The following CAST variants were observed in gnomAD, a reference collection of about 807,000 sequenced individuals.
The protein encoded by CAST is calpastatin.
In CAST, 76 loss-of-function variants were observed where a neutral mutation model predicts 119.6. The observed-to-expected ratio is 0.64, with a 90% CI of 0.53 to 0.77. CAST has a LOEUF of 0.77. Among genes scored for constraint, CAST ranks in the 30% least tolerant of loss-of-function variants. The pLI, the probability that CAST is intolerant of heterozygous loss-of-function variation, is 0.00. For synonymous variants in CAST, 319 were observed against 331.6 expected (o/e 0.96, Z 0.41); for missense variants, 953 against 946.5 (o/e 1.01, Z -0.09).
At chr5:96,092,576 A>G in the CAST span, among the ~76,000 whole-genome samples, 1 of 152,316 alleles carries the variant, frequency 6.6e-6, no homozygotes, top group African/African-American at 2.4e-5. Context: ...TAAAATATAC[A>G]TGATAACTTT....
the CAST span, among the ~76,000 whole-genome samples, chr5:96,057,856 A>C: frequency 5.9e-5 from 9 of 152,088 alleles, 1 homozygote; most frequent in Non-Finnish European, 1.2e-4. Context: ...TCTATGTTAG[A>C]TGTTATATTT....
At chr5:96,112,951 C>T in the CAST span, among the ~76,000 whole-genome samples, 529 of 152,300 alleles carry the variant, frequency 3.5e-3, 2 homozygotes, top group African/African-American at 4.5e-3. Context: ...ATGCACATCA[C>T]TTGTGCACCA....
intron 1 of CAST, among the ~76,000 whole-genome samples, chr5:96,639,671 C>A (rs1000232557): frequency 6.6e-6 from 1 of 152,192 alleles, no homozygotes. Flanking sequence ...GGGACCATAT[C>A]AACCTAAAAA....
At chr5:96,455,103 A>G in the CAST span, among the ~76,000 whole-genome samples, 1 of 152,244 alleles carries the variant, frequency 6.6e-6, no homozygotes. Context: ...TACATATTAA[A>G]TAACACAAGG....
chr5:96,609,064 C>G lies in CAST; in HGVS notation c.61-66475C>G, dbSNP rs1360572332. On this transcript the variant is annotated intron_variant, in intron 1 of 11. Transcript: ENST00000505143. ...AAATACTTCTGCAAGGACATCTACCCAGAAACAGCCTGTCCAGCCTCAGAC... is the reference window on the plus strand; with the variant it reads ...AAATACTTCTGCAAGGACATCTACCGAGAAACAGCCTGTCCAGCCTCAGAC... Among the ~76,000 whole-genome samples the G allele has an allele frequency of 3.9e-5, 6 of 152,200 alleles. No individual in the cohort carries two copies. In the East Asian group the frequency reaches 1.2e-3, roughly 29 times the overall value.
the CAST span, among the ~76,000 whole-genome samples, chr5:96,435,116 G>A: frequency 6.6e-6 from 1 of 152,168 alleles, no homozygotes; most frequent in African/African-American, 2.4e-5. Context: ...CACTAACTGT[G>A]CACTAGCAAG....
chr5:96,256,979 C>T, the CAST span, among the ~76,000 whole-genome samples: 2 of 152,202 alleles, frequency 1.3e-5, no homozygotes, highest in African/African-American at 2.4e-5. Flanking sequence ...TGCATGACGT[C>T]GTCTTCTTTT....
At chr5:96,454,747 G>A in the CAST span, among the ~76,000 whole-genome samples, 10 of 152,182 alleles carry the variant, frequency 6.6e-5, no homozygotes, top group Non-Finnish European at 1.3e-4. Context: ...GATTTTAGGC[G>A]GCTCATTGAT....
At chr5:96,108,065 T>A in the CAST span, among the ~76,000 whole-genome samples, 1 of 152,118 alleles carries the variant, frequency 6.6e-6, no homozygotes, top group Non-Finnish European at 1.5e-5. Context: ...GCCTTGGTTT[T>A]CAGCTCCATC....
At chr5:96,633,111 A>G (rs773345166) in intron 1 of CAST, among the ~76,000 whole-genome samples, 2 of 152,222 alleles carry the variant, frequency 1.3e-5, no homozygotes, top group Admixed American at 1.3e-4. Context: ...AGCTGGGATT[A>G]CAGGTGCCCG....
the CAST span, among the ~76,000 whole-genome samples, chr5:96,009,940 T>A: frequency 2.0e-5 from 3 of 152,198 alleles, no homozygotes; most frequent in Non-Finnish European, 4.4e-5. Flanking sequence ...TACATATAAG[T>A]CTTCAATCTG....
intron 1 of CAST, among the ~76,000 whole-genome samples, chr5:96,653,985 C>T (rs1433259396): frequency 2.0e-5 from 3 of 151,106 alleles, no homozygotes; most frequent in African/African-American, 7.3e-5. Context: ...CTTTTCTCTT[C>T]CCTTGTATCT....
the CAST span, among the ~76,000 whole-genome samples, chr5:96,369,436 G>A: frequency 6.6e-6 from 1 of 152,116 alleles, no homozygotes; most frequent in Non-Finnish European, 1.5e-5. Flanking sequence ...TTTAGAAGAA[G>A]GTCTGGCAGC....
At chr5:96,098,111 G>A in the CAST span, among the ~76,000 whole-genome samples, 1 of 152,036 alleles carries the variant, frequency 6.6e-6, no homozygotes, top group South Asian at 2.1e-4. Flanking sequence ...TAATTGTTGG[G>A]CACATGTATG....
chr5:96,543,586 AT>A (rs1240574098), intron 1 of CAST, among the ~76,000 whole-genome samples: 2 of 152,174 alleles, frequency 1.3e-5, no homozygotes, highest in African/African-American at 4.8e-5. Context: ...CAGAACAGAA[AT>A]TTTAGTTTTA....
the CAST span, among the ~76,000 whole-genome samples, chr5:96,487,861 C>T: frequency 6.6e-6 from 1 of 152,164 alleles, no homozygotes; most frequent in Non-Finnish European, 1.5e-5. Context: ...GCACCAAACA[C>T]ATAATGTTAA....
intron 1 of CAST, among the ~76,000 whole-genome samples, chr5:96,592,529 G>GA (rs999766504): frequency 6.6e-6 from 1 of 151,880 alleles, no homozygotes; most frequent in Non-Finnish European, 1.5e-5. Flanking sequence ...ATTTTAAAGA[G>GA]AAAAAAACTA....
chr5:96,146,155 A>G, the CAST span, among the ~76,000 whole-genome samples: 2 of 152,202 alleles, frequency 1.3e-5, no homozygotes, highest in African/African-American at 2.4e-5. Context: ...GTTATCTCTG[A>G]TCTATATAGC....
At chr5:96,181,440 C>T in the CAST span, among the ~76,000 whole-genome samples, 6 of 152,178 alleles carry the variant, frequency 3.9e-5, no homozygotes, top group Non-Finnish European at 8.8e-5. Flanking sequence ...AGACTTGGGA[C>T]ACGGAGCATC....
Sources: allele counts gnomAD v4.1 joint callset (sites outside exome capture counted in the v4.1 genomes callset), GRCh38; gene constraint gnomAD v4.1.1; transcripts MANE v1.5; gene names NCBI Gene and HGNC (gene_info 2026-07-23, HGNC 2026-07-21).